CTNNA2: variants seen among roughly 807,000 people sequenced by gnomAD.
The protein encoded by CTNNA2 is catenin alpha-2.
Under a neutral mutation model 101.0 loss-of-function variants are expected in CTNNA2, and 42 were observed. That is an observed-to-expected ratio of 0.42 (90% CI 0.32 to 0.54). CTNNA2 has a LOEUF of 0.54. Among genes scored for constraint, CTNNA2 ranks in the 20% least tolerant of loss-of-function variants. The pLI, the probability that CTNNA2 is intolerant of heterozygous loss-of-function variation, is 0.14. For missense variants in CTNNA2, 871 were observed against 1,223.1 expected, an observed-to-expected ratio of 0.71 and a Z score of 4.29; for synonymous variants, 450 against 456.4, an observed-to-expected ratio of 0.99 and a Z score of 0.18.
At chr2:79,629,766 G>A (rs867224606) in intron 1 of CTNNA2, among the ~76,000 whole-genome samples, 36 of 152,124 alleles carry the variant, frequency 2.4e-4, no homozygotes, top group African/African-American at 8.7e-4. Flanking sequence ...CTGTCTGTAT[G>A]GGTATATTAA....
chr2:80,246,567 T>C (rs1671346154), intron 7 of CTNNA2, among the ~76,000 whole-genome samples: 1 of 152,192 alleles, frequency 6.6e-6, no homozygotes, highest in Non-Finnish European at 1.5e-5. Context: ...GTAGTTGCGC[T>C]CAAATGAATA....
intron 4 of CTNNA2, among the ~76,000 whole-genome samples, chr2:79,466,414 A>C (rs1359453484): frequency 6.6e-6 from 1 of 152,290 alleles, no homozygotes; most frequent in African/African-American, 2.4e-5. Context: ...CCACAGCTCA[A>C]GGAGGCCTGC....
At chr2:80,632,677 G>T (rs1479403754) in intron 18 of CTNNA2, among the ~76,000 whole-genome samples, 2 of 152,018 alleles carry the variant, frequency 1.3e-5, no homozygotes, top group Non-Finnish European at 2.9e-5. Context: ...TGCTATGCTG[G>T]TCATCTGTTG....
chr2:80,022,364 A>G (rs911048585), intron 7 of CTNNA2, among the ~76,000 whole-genome samples: 1 of 152,202 alleles, frequency 6.6e-6, no homozygotes, highest in African/African-American at 2.4e-5. Flanking sequence ...CCCCACATAT[A>G]CATTTCTAAT....
At chr2:80,433,626 C>G (rs1407221853) in intron 9 of CTNNA2, among the ~76,000 whole-genome samples, 1 of 152,088 alleles carries the variant, frequency 6.6e-6, no homozygotes, top group Non-Finnish European at 1.5e-5. Flanking sequence ...GCTCACAGCT[C>G]TTCCTGATGC....
chr2:79,413,364 T>G (rs35680439), intron 4 of CTNNA2, among the ~76,000 whole-genome samples: 1 of 148,866 alleles, frequency 6.7e-6, no homozygotes, highest in Non-Finnish European at 1.5e-5. Flanking sequence ...AGCTTCATTC[T>G]TGTTGTTGCA....
intron 3 of CTNNA2, among the ~76,000 whole-genome samples, chr2:79,314,607 G>T (rs190748342): frequency 6.6e-5 from 10 of 152,304 alleles, no homozygotes; most frequent in Admixed American, 2.0e-4. Context: ...CCTCTCAGGG[G>T]CATGGACCAA....
intron 3 of CTNNA2, among the ~76,000 whole-genome samples, chr2:79,770,099 T>C (rs1208470635): frequency 6.6e-6 from 1 of 152,198 alleles, no homozygotes; most frequent in Non-Finnish European, 1.5e-5. Context: ...TTTTTGGTTG[T>C]CACAAGTTGG....
chr2:80,390,578 G>A (rs180902122), intron 7 of CTNNA2, among the ~76,000 whole-genome samples: 1 of 152,248 alleles, frequency 6.6e-6, no homozygotes, highest in Admixed American at 6.5e-5. Context: ...TTCCCCTGGG[G>A]GTAGGATTGT....
intron 4 of CTNNA2, among the ~76,000 whole-genome samples, chr2:79,387,572 A>T (rs963656473): frequency 2.0e-5 from 3 of 152,210 alleles, no homozygotes; most frequent in African/African-American, 7.2e-5. Context: ...CCAAACACCA[A>T]GTCCAAGGAA....
intron 2 of CTNNA2, among the ~76,000 whole-genome samples, chr2:79,286,232 T>C (rs1175607968): frequency 6.6e-6 from 1 of 152,224 alleles, no homozygotes; most frequent in South Asian, 2.1e-4. Context: ...TGTCTTTTAA[T>C]TGGAGCATTT....
chr2:80,390,670 C>T (rs980070045), intron 7 of CTNNA2, among the ~76,000 whole-genome samples: 9 of 152,078 alleles, frequency 5.9e-5, no homozygotes, highest in African/African-American at 9.7e-5. Context: ...TAAATATATC[C>T]GCACTGTTTT....
chr2:79,815,188 T>C (rs189067934), intron 3 of CTNNA2, among the ~76,000 whole-genome samples: 16 of 152,320 alleles, frequency 1.1e-4, no homozygotes, highest in Admixed American at 9.8e-4. Context: ...GTCAGATGTA[T>C]AGATTGTGAA....
chr2:79,773,978 A>T (rs1398176036), intron 3 of CTNNA2, among the ~76,000 whole-genome samples: 1 of 152,082 alleles, frequency 6.6e-6, no homozygotes, highest in Non-Finnish European at 1.5e-5. Context: ...GTTTTCAGAG[A>T]TGGCTGCTAC....
intron 4 of CTNNA2, among the ~76,000 whole-genome samples, chr2:79,494,354 T>C (rs1671234481): frequency 6.6e-6 from 1 of 151,064 alleles, no homozygotes; most frequent in Non-Finnish European, 1.5e-5. Context: ...AATAGCAAAA[T>C]CAGTCTTGAA....
chr2:80,123,216 C>T (rs1037583676), intron 7 of CTNNA2, among the ~76,000 whole-genome samples: 2 of 152,172 alleles, frequency 1.3e-5, no homozygotes, highest in Non-Finnish European at 2.9e-5. Flanking sequence ...AGCTCCCAAG[C>T]ATTTCGTTCT....
chr2:79,681,466 C>A (rs999473473), intron 2 of CTNNA2, among the ~76,000 whole-genome samples: 1 of 152,124 alleles, frequency 6.6e-6, no homozygotes, highest in African/African-American at 2.4e-5. Context: ...TTTTCTCTTT[C>A]CTGTAATATG....
At chr2:79,464,971 G>A (rs1670918061) in intron 4 of CTNNA2, among the ~76,000 whole-genome samples, 1 of 152,142 alleles carries the variant, frequency 6.6e-6, no homozygotes, top group Non-Finnish European at 1.5e-5. Context: ...TTGCTGTGCA[G>A]AAGCTCTTTA....
Position 79,858,076 on chromosome 2 carries a change from G to A in CTNNA2, c.362G>A (p.Gly121Asp). Residue 121 changes from glycine to aspartate, a missense_variant, in exon 4 of 19, where the codon GGC (glycine) becomes GAC (aspartate). Physicochemically the swap from Gly to Asp is moderately conservative, Grantham distance 94. Coordinates refer to ENST00000402739, the MANE Select transcript of CTNNA2 (RefSeq NM_001282597.3). ...ADDPCSSVKR[G>D]TMVRAARALL... ...GACCCTTGCTCGTCGGTAAAGCGCG[G>A]CACCATGGTACGGGCGGCAAGGGCT... 6.2e-7 allele frequency: 1 copy of A among 1,614,140 alleles called. No homozygotes were observed. The highest frequency in any genetic ancestry group is 8.5e-7 in the Non-Finnish European group (1 of 1,179,996).
Sources: allele counts gnomAD v4.1 joint callset (sites outside exome capture counted in the v4.1 genomes callset), GRCh38; gene constraint gnomAD v4.1.1; transcripts MANE v1.5; gene names NCBI Gene and HGNC (gene_info 2026-07-23, HGNC 2026-07-21).